Variants in PARVA observed in about 807,000 individuals in gnomAD.
PARVA encodes alpha-parvin.
In PARVA, 25 loss-of-function variants were observed where a neutral mutation model predicts 52.6. The ratio of observed to expected loss-of-function variants is 0.48; its 90% CI spans 0.35 to 0.66. The LOEUF is 0.66. Among genes scored for constraint, PARVA ranks in the 30% least tolerant of loss-of-function variants. The probability of loss-of-function intolerance (pLI) is 0.01; values close to 1 mark genes in which losing one functional copy is unlikely to be tolerated. For synonymous variants in PARVA, 185 were observed against 179.1 expected, an observed-to-expected ratio of 1.03 and a Z score of -0.26; for missense variants, 373 against 450.9, an observed-to-expected ratio of 0.83 and a Z score of 1.56.
chr11:12,515,143 G>A (rs1941551754), intron 10 of PARVA, among the ~76,000 whole-genome samples: 1 of 152,226 alleles, frequency 6.6e-6, no homozygotes. Context: ...TTAGGATGGT[G>A]TTCACCGGAT....
chr11:12,468,043 G>A (rs1409641863), intron 1 of PARVA, among the ~76,000 whole-genome samples: 2 of 152,162 alleles, frequency 1.3e-5, no homozygotes, highest in Non-Finnish European at 2.9e-5. Flanking sequence ...GTGCACCTGT[G>A]TTGGTTGAAA....
In PARVA at chr11:12,387,806, C is replaced by T. The variant is rs539782161; in HGVS notation, c.136+10023C>T. Among the ~76,000 whole-genome samples, 19 of 151,896 alleles carry T rather than the reference C, an allele frequency of 1.3e-4. No individual in the cohort carries two copies. The South Asian group carries it at 2.7e-3, about 22-fold the overall frequency. Reference sequence around the variant, plus strand: ...GGGTGACCAGATGGAATGTGAAGGCCGGTTGACTTCTTTGTTTTCATCCAG... The same window carrying T: ...GGGTGACCAGATGGAATGTGAAGGCTGGTTGACTTCTTTGTTTTCATCCAG... On this transcript the variant is annotated intron_variant, in intron 1 of 12. Transcript: ENST00000334956.
At chr11:12,501,723 G>A (rs1049920641) in intron 5 of PARVA, among the ~76,000 whole-genome samples, 9 of 152,208 alleles carry the variant, frequency 5.9e-5, no homozygotes, top group East Asian at 5.8e-4. Flanking sequence ...TACACGTAGC[G>A]TAGTATGTAT....
chr11:12,378,930 TTTA>T (rs1480940265), intron 1 of PARVA, among the ~76,000 whole-genome samples: 2 of 152,086 alleles, frequency 1.3e-5, no homozygotes, highest in Admixed American at 6.5e-5. Context: ...TGAAAGCAAG[TTTA>T]TTAAGAAAGT....
At chr11:12,429,442 G>A (rs182950703) in intron 1 of PARVA, among the ~76,000 whole-genome samples, 1 of 152,206 alleles carries the variant, frequency 6.6e-6, no homozygotes, top group Admixed American at 6.5e-5. Context: ...GCATATATAA[G>A]TTAATTATAA....
chr11:12,489,655 A>T (rs375806076), intron 4 of PARVA, among the ~76,000 whole-genome samples: 1 of 151,914 alleles, frequency 6.6e-6, no homozygotes, highest in African/African-American at 2.4e-5. Context: ...CCCAAATAGT[A>T]TAAGTAGTGA....
intron 10 of PARVA, among the ~76,000 whole-genome samples, chr11:12,514,296 G>A (rs945177962): frequency 2.0e-5 from 3 of 152,212 alleles, no homozygotes; most frequent in Non-Finnish European, 4.4e-5. Context: ...TGCACCGATT[G>A]TTAATATTTG....
chr11:12,502,586 A>T (rs2135065897), intron 5 of PARVA, among the ~76,000 whole-genome samples: 1 of 151,894 alleles, frequency 6.6e-6, no homozygotes, highest in Admixed American at 6.6e-5. Flanking sequence ...GGTATAATAA[A>T]AAAAAAAAAT....
intron 1 of PARVA, among the ~76,000 whole-genome samples, chr11:12,404,031 A>G (rs1435662704): frequency 6.6e-6 from 1 of 152,156 alleles, no homozygotes; most frequent in Non-Finnish European, 1.5e-5. Context: ...AATTTATTCT[A>G]GGGATATTTC....
At chr11:12,501,931 A>G (rs904850510) in intron 5 of PARVA, among the ~76,000 whole-genome samples, 10 of 152,180 alleles carry the variant, frequency 6.6e-5, no homozygotes, top group Admixed American at 6.5e-4. Flanking sequence ...ATATTTTGCC[A>G]TTAAAGGGGA....
At chr11:12,471,814 T>C (rs1940938490) in intron 1 of PARVA, among the ~76,000 whole-genome samples, 1 of 152,214 alleles carries the variant, frequency 6.6e-6, no homozygotes, top group South Asian at 2.1e-4. Flanking sequence ...AGCTACTGTA[T>C]TGGACAGTGC....
intron 4 of PARVA, among the ~76,000 whole-genome samples, chr11:12,491,848 T>C (rs895353848): frequency 1.3e-5 from 2 of 152,206 alleles, no homozygotes; most frequent in Admixed American, 6.5e-5. Context: ...CTAACTAATC[T>C]GTATATAGCA....
At chr11:12,472,027 A>G (rs952455928) in intron 1 of PARVA, among the ~76,000 whole-genome samples, 3 of 152,212 alleles carry the variant, frequency 2.0e-5, no homozygotes, top group African/African-American at 7.2e-5. Context: ...TGGTAGTTCT[A>G]GGGGAGATAT....
chr11:12,434,409 GCTTGGTCCCTATCAAACAGGC>G (rs934757186), intron 1 of PARVA, among the ~76,000 whole-genome samples: 1 of 152,136 alleles, frequency 6.6e-6, no homozygotes, highest in Non-Finnish European at 1.5e-5. Context: ...GGACTCTGGC[GCTTGGTCCCTATCAAACAGGC>G]CTTCTCTTTC....
rs116729100 is a variant in PARVA, at chr11:12,414,422, C to T, written c.136+36639C>T. Among the ~76,000 whole-genome samples the T allele has an allele frequency of 7.4e-3, 1,130 of 152,286 alleles. 19 individuals are homozygous for T. Among genetic ancestry groups the T allele is most frequent in the African/African-American group, 0.026 (1,061 of 41,548 alleles). ...GCCTGAAATGCCTTCGCTTTTGCTT[C>T]GAGTTAGTATTAAATAATTTTTAAA... On this transcript the variant is annotated intron_variant, in intron 1 of 12. Coordinates refer to ENST00000334956, the MANE Select transcript of PARVA (RefSeq NM_018222.5).
chr11:12,385,026 G>A (rs1939551465), intron 1 of PARVA, among the ~76,000 whole-genome samples: 1 of 152,180 alleles, frequency 6.6e-6, no homozygotes, highest in South Asian at 2.1e-4. Context: ...GATGAAGCAG[G>A]GAGATGAGGC....
chr11:12,515,553 A>G (rs1941557603), intron 10 of PARVA, among the ~76,000 whole-genome samples: 1 of 152,196 alleles, frequency 6.6e-6, no homozygotes, highest in African/African-American at 2.4e-5. Flanking sequence ...CTACCAAGTC[A>G]GTGGAACCAG....
intron 1 of PARVA, chr11:12,398,189 C>T (rs1300787450): frequency 1.3e-5 from 2 of 151,984 alleles, no homozygotes; most frequent in Non-Finnish European, 2.9e-5. Flanking sequence ...CATCCAAAGC[C>T]ATGGTGAGGA....
At chr11:12,401,748 G>A (rs1055776378) in intron 1 of PARVA, among the ~76,000 whole-genome samples, 2 of 152,238 alleles carry the variant, frequency 1.3e-5, no homozygotes, top group Middle Eastern at 3.4e-3. Context: ...AACCATGATC[G>A]CAGGGCATGA....
Sources: gnomAD v4.1 joint callset for allele counts (sites outside exome capture counted in the v4.1 genomes callset) on GRCh38, gnomAD v4.1.1 for gene constraint, MANE v1.5 for transcripts, NCBI Gene and HGNC (gene_info 2026-07-23, HGNC 2026-07-21) for gene names.